CDH4: variants seen among roughly 807,000 people sequenced by gnomAD.
CDH4 encodes cadherin 4.
Under a neutral mutation model 86.0 loss-of-function variants are expected in CDH4, and 33 were observed. The ratio of observed to expected loss-of-function variants is 0.38; its 90% CI spans 0.29 to 0.51. CDH4 has a LOEUF of 0.51. Ranked by LOEUF, CDH4 falls within the 20% of genes least tolerant of loss-of-function variation. The pLI is 0.86. For missense variants in CDH4, 1,114 were observed against 1,307.4 expected (o/e 0.85, Z 2.28); for synonymous variants, 555 against 549.4 (o/e 1.01, Z -0.14).
rs202011329 is a variant in CDH4, at chr20:61,496,929, G to GT, written c.169+242001dup. Among the ~76,000 whole-genome samples the GT allele has an allele frequency of 8.5e-4, 113 of 133,726 alleles. No homozygotes were observed. The Middle Eastern group carries it at 0.012, about 14-fold the overall frequency. 87.7% of individuals were successfully genotyped at this position (133,726 alleles called of 152,430 possible). A position where few individuals can be genotyped will look rare whatever the true frequency, so the allele number is the denominator to read the frequency against. On this transcript the variant is annotated intron_variant, in intron 2 of 15. Coordinates refer to ENST00000614565, the MANE Select transcript of CDH4 (RefSeq NM_001794.5). ...TGTGCAAATCTTGTTGTGGGCAGGT[G>GT]TTTTTTTTTGTTTGTTTTGGGGATT...
At position 61,852,887 on chromosome 20, in the gene CDH4, G is replaced by A. The variant is rs778191961; in HGVS notation, c.866G>A (p.Gly289Asp). ...NQVYNGSVDE[G>D]SKPGTYVMTV... ...GTCTACAACGGCTCCGTGGACGAGG[G>A]CTCCAAGCCAGGTGAGGCCTTTAGC... The change falls in exon 6 of 16, where the codon GGC becomes GAC. Residue 289 changes from glycine to aspartate, a missense_variant. Around this residue, in one of 3 missense-constraint regions of CDH4, gnomAD observed 705 missense variants for 914.1 expected, o/e 0.77. Coordinates refer to ENST00000614565, the MANE Select transcript of CDH4 (RefSeq NM_001794.5). 1 of 1,613,900 alleles carries A rather than the reference G, an allele frequency of 6.2e-7. No individual in the cohort carries two copies. Among genetic ancestry groups the A allele is most frequent in the Admixed American group, 1.7e-5 (1 of 60,020 alleles).
At chr20:61,277,420 G>C (rs945417661) in intron 2 of CDH4, among the ~76,000 whole-genome samples, 12 of 152,176 alleles carry the variant, frequency 7.9e-5, no homozygotes, top group African/African-American at 2.9e-4. Flanking sequence ...AGTGTGAGGG[G>C]TGTGTATGAT....
intron 7 of CDH4, among the ~76,000 whole-genome samples, chr20:61,882,340 A>G (rs781384893): frequency 6.6e-6 from 1 of 152,284 alleles, no homozygotes; most frequent in Non-Finnish European, 1.5e-5. Flanking sequence ...CCTCAGCGGC[A>G]CGGCCCCTTT....
Position 61,420,661 on chromosome 20 carries a change from C to A in CDH4, c.169+165724C>A, listed in dbSNP as rs2145501595. The stretch of plus-strand genomic sequence containing the variant: ...AGCCAAAGCCGTGCTCTGGAAGGTT[C>A]ATAGCAGCACTCCTCCTAACAGTCC... On this transcript the variant is annotated intron_variant, in intron 2 of 15. Coordinates refer to ENST00000614565, the MANE Select transcript of CDH4 (RefSeq NM_001794.5). 1.3e-5 allele frequency among the ~76,000 whole-genome samples: 2 copies of A among 152,388 alleles called. 1 individual carries two copies. The highest frequency in any genetic ancestry group is 6.8e-3 in the Middle Eastern group (2 of 294).
chr20:61,873,908 G>A lies in CDH4; in HGVS notation c.1050+8G>A, dbSNP rs965518813. On this transcript the variant is annotated splice_region_variant and intron_variant, in intron 7 of 15. Transcript: ENST00000614565. Reference sequence around the variant, plus strand: ...GCTGGCCTGGACCGAGAGGTGAGGCGGGGTGGGGTCTGCGTGCAGGCGGGT... The same window carrying A: ...GCTGGCCTGGACCGAGAGGTGAGGCAGGGTGGGGTCTGCGTGCAGGCGGGT... 17 of 1,612,164 alleles carry A rather than the reference G, an allele frequency of 1.1e-5. No individual in the cohort carries two copies. In the African/African-American group the frequency reaches 1.1e-4, roughly 10 times the overall value.
intron 2 of CDH4, among the ~76,000 whole-genome samples, chr20:61,555,915 A>G (rs991221191): frequency 4.6e-5 from 7 of 152,188 alleles, no homozygotes; most frequent in African/African-American, 1.7e-4. Context: ...TGTCTTCCCT[A>G]TGGGGACAGC....
At chr20:61,920,097 CATGTT>C (rs2054956387) in intron 9 of CDH4, among the ~76,000 whole-genome samples, 8 of 78,096 alleles carry the variant, frequency 1.0e-4, no homozygotes, top group South Asian at 8.5e-4. Context: ...TGCGTGGAAG[CATGTT>C]GTGATTGGAA....
chr20:61,723,233 C>T (rs984068671), intron 2 of CDH4, among the ~76,000 whole-genome samples: 5 of 152,188 alleles, frequency 3.3e-5, no homozygotes, highest in Non-Finnish European at 5.9e-5. Context: ...GGGAAGTGGA[C>T]CCTTGGTCTC....
chr20:61,682,869 C>T (rs2087532694), intron 2 of CDH4, among the ~76,000 whole-genome samples: 1 of 151,342 alleles, frequency 6.6e-6, no homozygotes, highest in East Asian at 1.9e-4. Context: ...GCAATCTACC[C>T]GTAAGCAAAT....
rs4002953 is a variant in CDH4 at position 61,770,882 on chromosome 20, CA to C, written c.397-2107del. 1.2e-3 allele frequency among the ~76,000 whole-genome samples: 136 copies of C among 111,968 alleles called. 1 individual carries two copies. The South Asian group carries it at 0.033, about 27-fold the overall frequency. The allele number at this position is 111,968 out of a possible 152,430, so 73.5% of individuals were successfully genotyped here. A position where few individuals can be genotyped will look rare whatever the true frequency, so the allele number is the denominator to read the frequency against. On this transcript the variant is annotated intron_variant, in intron 3 of 15. Coordinates refer to ENST00000614565, the MANE Select transcript of CDH4 (RefSeq NM_001794.5). ...TGGGCGACAGAGCGAGACTCCGTCT[CA>C]AAAAAAAAAAAAACACAGAAAGGTA...
intron 2 of CDH4, among the ~76,000 whole-genome samples, chr20:61,297,376 C>T (rs755570145): frequency 4.6e-5 from 7 of 152,050 alleles, no homozygotes; most frequent in Non-Finnish European, 7.4e-5. Context: ...ACGACAAGAG[C>T]GAAACTCCAT....
intron 8 of CDH4, among the ~76,000 whole-genome samples, chr20:61,906,154 C>T (rs535905101): frequency 6.6e-5 from 10 of 152,300 alleles, no homozygotes; most frequent in Admixed American, 2.6e-4. Context: ...GTTATTGAGG[C>T]GGGGGCCTCA....
chr20:61,900,568 C>T (rs904350939), intron 8 of CDH4, among the ~76,000 whole-genome samples: 29 of 152,164 alleles, frequency 1.9e-4, no homozygotes, highest in African/African-American at 1.2e-4. Flanking sequence ...GGCCCAGAGA[C>T]GTGGGGGAAT....
chr20:61,805,478 A>C (rs1601006759), intron 4 of CDH4, among the ~76,000 whole-genome samples: 1 of 152,302 alleles, frequency 6.6e-6, no homozygotes, highest in Admixed American at 6.5e-5. Context: ...GGCCAGGCAC[A>C]ACCTTTCCGG....
intron 2 of CDH4, among the ~76,000 whole-genome samples, chr20:61,316,843 T>C (rs946950185): frequency 3.3e-5 from 5 of 152,094 alleles, no homozygotes; most frequent in African/African-American, 1.2e-4. Context: ...TAGCCATTTG[T>C]ACAGCATGAT....
At chr20:61,851,313 T>G (rs949863743) in intron 5 of CDH4, among the ~76,000 whole-genome samples, 2 of 152,144 alleles carry the variant, frequency 1.3e-5, no homozygotes, top group South Asian at 4.1e-4. Flanking sequence ...AAACACACAA[T>G]GTAGGGGGTA....
chr20:61,546,546 T>G (rs2086088583), intron 2 of CDH4, among the ~76,000 whole-genome samples: 1 of 151,740 alleles, frequency 6.6e-6, no homozygotes, highest in Non-Finnish European at 1.5e-5. Flanking sequence ...AAGTCCTTAA[T>G]GTTTCTCAGG....
intron 4 of CDH4, among the ~76,000 whole-genome samples, chr20:61,803,138 G>A (rs1353928048): frequency 3.3e-5 from 5 of 152,318 alleles, no homozygotes; most frequent in Non-Finnish European, 4.4e-5. Context: ...CAGCTCCGTC[G>A]TTGACGGTGT....
At chr20:61,581,201 C>T (rs2086425798) in intron 2 of CDH4, among the ~76,000 whole-genome samples, 1 of 152,132 alleles carries the variant, frequency 6.6e-6, no homozygotes, top group Non-Finnish European at 1.5e-5. Context: ...CTTGCCAGGG[C>T]CTGGCTCCAG....
Sources: allele counts gnomAD v4.1 joint callset (sites outside exome capture counted in the v4.1 genomes callset), GRCh38; gene constraint gnomAD v4.1.1; regional missense constraint gnomAD v4.1.1; transcripts MANE v1.5; gene names NCBI Gene and HGNC (gene_info 2026-07-23, HGNC 2026-07-21).